Variants in HMGB1 observed in about 807,000 individuals in gnomAD.
HMGB1 encodes high mobility group box 1.
For synonymous variants in HMGB1, 81 were observed against 84.0 expected (o/e 0.96, Z 0.19); for missense variants, 79 against 253.5 (o/e 0.31, Z 4.67).
intron 1 of HMGB1, among the ~76,000 whole-genome samples, chr13:30,588,916 A>T (rs1259153361): frequency 6.8e-6 from 1 of 148,148 alleles, no homozygotes; most frequent in African/African-American, 2.5e-5. Context: ...GCCTCTGTTT[A>T]AAAAAAAACG....
rs372189400 is a variant in HMGB1 at position 30,461,344 on chromosome 13, C to T, written c.*13G>A. On this transcript the variant is annotated 3_prime_UTR_variant, in exon 5 of 5. Coordinates refer to ENST00000341423, the MANE Select transcript of HMGB1 (RefSeq NM_002128.7). ...TTTATAGACAAGAAAAAAAAAACTG[C>T]GCTAGAACCAACTTATTCATCATCA... 1.6e-5 allele frequency: 24 copies of T among 1,543,524 alleles called. No homozygotes were observed. The highest frequency in any genetic ancestry group is 1.6e-5 in the Non-Finnish European group (19 of 1,151,960).
At chr13:30,564,329 T>C (rs1359323872) in intron 1 of HMGB1, among the ~76,000 whole-genome samples, 1 of 150,000 alleles carries the variant, frequency 6.7e-6, no homozygotes, top group African/African-American at 2.5e-5. Context: ...GGCTTATGCC[T>C]GCAGTCCCAG....
intron 1 of HMGB1, among the ~76,000 whole-genome samples, chr13:30,555,293 G>C (rs1165864326): frequency 1.3e-5 from 2 of 151,880 alleles, no homozygotes; most frequent in African/African-American, 4.8e-5. Flanking sequence ...CGCCCGCCTC[G>C]GCCTCCCAAA....
chr13:30,495,569 C>G (rs1237166774), intron 1 of HMGB1, among the ~76,000 whole-genome samples: 2 of 151,784 alleles, frequency 1.3e-5, no homozygotes, highest in Non-Finnish European at 2.9e-5. Flanking sequence ...AGCTCTGCCT[C>G]CCGGGTTCAC....
chr13:30,528,432 T>A (rs772117113), intron 1 of HMGB1, among the ~76,000 whole-genome samples: 1 of 152,176 alleles, frequency 6.6e-6, no homozygotes, highest in Non-Finnish European at 1.5e-5. Flanking sequence ...TGAGATCATA[T>A]TAACCCATAA....
Position 30,586,568 on chromosome 13 carries a change from A to G in HMGB1, c.-15+30103T>C, listed in dbSNP as rs191322009. On this transcript the variant is annotated intron_variant, in intron 1 of 4. Transcript: ENST00000405805. ...AGTGGTGCAATCTCGGCTCACTGCA[A>G]GTTCCACCTCCTGGGCTCAAGCAAT... is the stretch of plus-strand genomic sequence containing the variant. Among the ~76,000 whole-genome samples, 61 of 142,994 alleles carry G rather than the reference A, an allele frequency of 4.3e-4. No individual in the cohort carries two copies. In the East Asian group the frequency reaches 0.012, roughly 28 times the overall value. The allele number at this position is 142,994 out of a possible 152,430, so 93.8% of individuals were successfully genotyped here.
At chr13:30,483,698 C>G (rs1887293073) in intron 1 of HMGB1, among the ~76,000 whole-genome samples, 1 of 149,888 alleles carries the variant, frequency 6.7e-6, no homozygotes. Context: ...ACTGCAGCCT[C>G]TGCCTCCTGG....
intron 1 of HMGB1, among the ~76,000 whole-genome samples, chr13:30,506,765 T>C (rs754482520): frequency 1.9e-4 from 29 of 151,978 alleles, no homozygotes; most frequent in Non-Finnish European, 3.8e-4. Context: ...TCCTGCTGAG[T>C]GGGGTGCGCT....
chr13:30,534,960 A>G (rs1888580794), intron 1 of HMGB1, among the ~76,000 whole-genome samples: 1 of 152,206 alleles, frequency 6.6e-6, no homozygotes. Flanking sequence ...TGTGCTATCC[A>G]TTTGCTGTGC....
rs541022572 is a variant in HMGB1 at position 30,517,865 on chromosome 13, CTTTAT to C, written c.-14-54176_-14-54172del. 2.5e-3 allele frequency among the ~76,000 whole-genome samples: 375 copies of C among 152,294 alleles called. 1 individual carries two copies. The highest frequency in any genetic ancestry group is 8.7e-3 in the African/African-American group (361 of 41,552). On this transcript the variant is annotated intron_variant, in intron 1 of 4. Transcript: ENST00000405805. ...GCTGGGACAATCAATGTGAAAGAAA[CTTTAT>C]TTTATATCTCACCAGCAGAATTTAC...
chr13:30,520,556 G>A (rs1164537006), intron 1 of HMGB1, among the ~76,000 whole-genome samples: 4 of 152,076 alleles, frequency 2.6e-5, no homozygotes. Context: ...GGAGGCGGAG[G>A]TTGCAGTGAG....
intron 1 of HMGB1, among the ~76,000 whole-genome samples, chr13:30,518,133 A>G (rs1888141394): frequency 6.6e-6 from 1 of 152,000 alleles, no homozygotes; most frequent in Non-Finnish European, 1.5e-5. Context: ...GGAATTTAAG[A>G]CCAGCCTGGG....
intron 1 of HMGB1, among the ~76,000 whole-genome samples, chr13:30,572,780 G>A (rs1870489747): frequency 6.6e-6 from 1 of 152,138 alleles, no homozygotes; most frequent in Non-Finnish European, 1.5e-5. Context: ...TGAAACTTGG[G>A]ATTAAAAGAG....
At chr13:30,609,713 C>T (rs1593344983) in intron 1 of HMGB1, among the ~76,000 whole-genome samples, 1 of 152,136 alleles carries the variant, frequency 6.6e-6, no homozygotes, top group Non-Finnish European at 1.5e-5. Flanking sequence ...TACACTGTAT[C>T]CAACATGTAG....
chr13:30,522,969 C>T (rs1888274336), intron 1 of HMGB1, among the ~76,000 whole-genome samples: 1 of 152,214 alleles, frequency 6.6e-6, no homozygotes, highest in South Asian at 2.1e-4. Context: ...CCACCTCGGC[C>T]TCCCAAAGTG....
intron 1 of HMGB1, among the ~76,000 whole-genome samples, chr13:30,479,616 G>T (rs1887182064): frequency 6.6e-6 from 1 of 152,108 alleles, no homozygotes; most frequent in African/African-American, 2.4e-5. Context: ...TTTGGAACCG[G>T]ACACCTCTAA....
At chr13:30,607,822 A>T (rs555232497) in intron 1 of HMGB1, among the ~76,000 whole-genome samples, 2 of 152,210 alleles carry the variant, frequency 1.3e-5, no homozygotes, top group Non-Finnish European at 2.9e-5. Flanking sequence ...AATATATATA[A>T]AAATACAATT....
At chr13:30,466,301 C>CG (rs1011604903), upstream of HMGB1, among the ~76,000 whole-genome samples, 7 of 151,702 alleles carry the variant, frequency 4.6e-5, no homozygotes, top group East Asian at 3.9e-4. Flanking sequence ...AGGTCTCCCC[C>CG]CCCCTTCTTG....
At chr13:30,560,985 C>G (rs1332297263) in intron 1 of HMGB1, among the ~76,000 whole-genome samples, 1 of 150,540 alleles carries the variant, frequency 6.6e-6, no homozygotes, top group East Asian at 1.9e-4. Context: ...AGAGCGAAGT[C>G]TGTAGAAATG....
Sources: gnomAD v4.1 joint callset for allele counts (sites outside exome capture counted in the v4.1 genomes callset) on GRCh38, gnomAD v4.1.1 for gene constraint, MANE v1.5 for transcripts, NCBI Gene and HGNC (gene_info 2026-07-23, HGNC 2026-07-21) for gene names.